Variants in DAB2 observed in about 807,000 individuals in gnomAD.
DAB2 encodes the protein disabled homolog 2.
DAB2 carries 28 observed loss-of-function variants against 71.6 expected under a neutral mutation model. The ratio of observed to expected loss-of-function variants is 0.39; its 90% CI spans 0.29 to 0.54. The LOEUF is 0.54. Ranked by LOEUF, DAB2 falls within the 20% of genes least tolerant of loss-of-function variation. The pLI, the probability that DAB2 is intolerant of heterozygous loss-of-function variation, is 0.68. For synonymous variants in DAB2, 345 were observed against 339.7 expected (o/e 1.02, Z -0.17); for missense variants, 867 against 928.8 (o/e 0.93, Z 0.86).
rs11303318 is a variant in DAB2, at chr5:39,421,902, C to CA, written c.-102+2901dup. On this transcript the variant is annotated intron_variant, in intron 1 of 14. Coordinates refer to ENST00000320816, the MANE Select transcript of DAB2 (RefSeq NM_001343.4). ...TGAAACCCCGTCTCTACTACTACTACAAAAAAAAAAAAAAAATATTATCCA... is the reference window on the plus strand; with the variant it reads ...TGAAACCCCGTCTCTACTACTACTACAAAAAAAAAAAAAAAAATATTATCCA... Among the ~76,000 whole-genome samples, 16 of 140,158 alleles carry CA rather than the reference C, an allele frequency of 1.1e-4. No individual in the cohort carries two copies. In the East Asian group the frequency reaches 3.1e-3, roughly 27 times the overall value. The allele number at this position is 140,158 out of a possible 152,430, so 91.9% of individuals were successfully genotyped here.
intron 13 of DAB2, 139 bp downstream of exon 13, chr5:39,375,858 C>A: frequency 1.5e-6 from 1 of 683,684 alleles, no homozygotes. Flanking sequence ...TGCACTCCAG[C>A]CTGGCCGACA....
At chr5:39,398,575 G>A (rs1579916002) in intron 1 of DAB2, among the ~76,000 whole-genome samples, 2 of 152,066 alleles carry the variant, frequency 1.3e-5, no homozygotes, top group South Asian at 4.2e-4. Context: ...AATAGCCAAG[G>A]GTAAGTCTCC....
chr5:39,375,971 AAG>A, intron 13 of DAB2, 24 bp downstream of exon 13: 1 of 1,560,726 alleles, frequency 6.4e-7, no homozygotes. Context: ...TACTTTGGAG[AAG>A]AGCTTCTAGT....
intron 1 of DAB2, among the ~76,000 whole-genome samples, chr5:39,424,214 A>T (rs1190659844): frequency 6.6e-5 from 10 of 151,980 alleles, no homozygotes; most frequent in Admixed American, 6.6e-4. Flanking sequence ...GCACCATATA[A>T]ACCATGCTCC....
chr5:39,390,605 T>C, intron 4 of DAB2, 30 bp from the exon 5 acceptor site: 1 of 1,561,406 alleles, frequency 6.4e-7, no homozygotes, highest in African/African-American at 1.4e-5. Context: ...AGTAATTTAT[T>C]AAGAAAACTA....
At chr5:39,396,380 A>G (rs1162397535) in intron 1 of DAB2, among the ~76,000 whole-genome samples, 4 of 152,166 alleles carry the variant, frequency 2.6e-5, no homozygotes, top group Admixed American at 6.5e-5. Context: ...ACACATGTCC[A>G]TTGCATGGTT....
At chr5:39,414,865 G>A (rs888082241) in intron 1 of DAB2, among the ~76,000 whole-genome samples, 1 of 152,038 alleles carries the variant, frequency 6.6e-6, no homozygotes, top group Non-Finnish European at 1.5e-5. Context: ...TCTGGTTATT[G>A]TTTATTAAAC....
intron 9 of DAB2, chr5:39,385,211 AAG>A (rs1216893833): frequency 1.3e-5 from 2 of 152,208 alleles, no homozygotes; most frequent in African/African-American, 4.8e-5. Flanking sequence ...AATGGATTGG[AAG>A]AGCTATTAAT....
intron 12 of DAB2, 60 bp from the exon 13 acceptor site, chr5:39,376,166 C>A: frequency 7.8e-7 from 1 of 1,287,754 alleles, no homozygotes. Context: ...TAGGCCAGTC[C>A]CCGAGTCAGC....
intron 1 of DAB2, among the ~76,000 whole-genome samples, chr5:39,396,297 C>T (rs1045952962): frequency 6.6e-6 from 1 of 152,204 alleles, no homozygotes; most frequent in African/African-American, 2.4e-5. Context: ...AACCAGAGTT[C>T]CTCAACACTG....
At chr5:39,414,551 TG>T (rs1219208641) in intron 1 of DAB2, among the ~76,000 whole-genome samples, 5 of 152,032 alleles carry the variant, frequency 3.3e-5, no homozygotes, top group African/African-American at 1.2e-4. Flanking sequence ...ATATGAGCAA[TG>T]ATGAATACTC....
In DAB2 at chr5:39,394,211, C is replaced by T. The variant is rs1755302182; in HGVS notation, c.91+19G>A. 6.2e-7 allele frequency: 1 copy of T among 1,605,784 alleles called. No homozygotes were observed. The highest frequency in any genetic ancestry group is 8.5e-7 in the Non-Finnish European group (1 of 1,172,526). On this transcript the variant is annotated intron_variant, in intron 2 of 14. Coordinates refer to ENST00000320816, the MANE Select transcript of DAB2 (RefSeq NM_001343.4). Reference sequence around the variant, plus strand: ...CATCTCTAGCTCCCTTCCTTGGCTTCAAGTGGATTTCTCCATACCTTTCTT... The same window carrying T: ...CATCTCTAGCTCCCTTCCTTGGCTTTAAGTGGATTTCTCCATACCTTTCTT...
At position 39,392,468 on chromosome 5, in the gene DAB2, T is replaced by G. The variant is rs763201865; in HGVS notation, c.232-5A>C. 12 of 1,607,080 alleles carry G rather than the reference T, an allele frequency of 7.5e-6. No homozygotes were observed. Among genetic ancestry groups the G allele is most frequent in the Middle Eastern group, 1.7e-4 (1 of 6,056 alleles). On this transcript the variant is annotated splice_polypyrimidine_tract_variant and splice_region_variant and intron_variant, in intron 3 of 14. Coordinates refer to ENST00000320816, the MANE Select transcript of DAB2 (RefSeq NM_001343.4). ...CCGACCAGCTGCCGCCATTCCCTGA[T>G]GAGGGTGGAAAAACAAGAGAAGTTG...
chr5:39,376,620 G>C, intron 12 of DAB2, 30 bp downstream of exon 12: 1 of 1,605,156 alleles, frequency 6.2e-7, no homozygotes. Context: ...ATAGTTGTTG[G>C]AACAGTAGGC....
chr5:39,391,538 T>A (rs1366098524), intron 4 of DAB2, among the ~76,000 whole-genome samples: 2 of 152,026 alleles, frequency 1.3e-5, no homozygotes, highest in African/African-American at 2.4e-5. Flanking sequence ...TGGTAGATAA[T>A]GGGCACTCTA....
intron 4 of DAB2, 102 bp from the exon 5 acceptor site, chr5:39,390,677 AG>A (rs768614322): frequency 3.8e-6 from 3 of 784,932 alleles, no homozygotes; most frequent in Non-Finnish European, 5.9e-6. Context: ...ATATATGAAA[AG>A]TTTAAACCAT....
At position 39,377,204 on chromosome 5, in the gene DAB2, G is replaced by A. The variant is rs376876328; in HGVS notation, c.1583C>T (p.Ala528Val). 2.4e-5 allele frequency: 38 copies of A among 1,614,030 alleles called. 1 individual carries two copies. In the African/African-American group the frequency reaches 4.5e-4, roughly 19 times the overall value. ...TTGACCACCCATCATGGCTCCCGGA[G>A]CCATTGAAGGGGACTGATTGAAGAC... is the stretch of plus-strand genomic sequence containing the variant. ...SLVFNQSPSM[A>V]PGAMMGGQPS... Residue 528 changes from alanine to valine, a missense_variant, in exon 12 of 15, where the codon GCT (alanine) becomes GTT (valine). By Grantham distance (64) the Ala-to-Val change is moderately conservative. This residue lies in a region of DAB2 where 740 missense variants were observed against 734.3 expected (regional missense o/e 1.01). Transcript: ENST00000320816.
intron 1 of DAB2, among the ~76,000 whole-genome samples, chr5:39,395,937 C>CTTTCTTTTTTTT (rs1755356400): frequency 1.3e-5 from 1 of 74,858 alleles, no homozygotes; most frequent in Non-Finnish European, 2.3e-5. Flanking sequence ...CACAGATATT[C>CTTTCTTTTTTTT]TTTTTTTTTT....
chr5:39,412,198 C>T (rs751851217), intron 1 of DAB2, among the ~76,000 whole-genome samples: 8 of 152,008 alleles, frequency 5.3e-5, no homozygotes, highest in African/African-American at 1.2e-4. Context: ...AGAGAGATGA[C>T]GCAAATGGTA....
Sources: gnomAD v4.1 joint callset for allele counts (sites outside exome capture counted in the v4.1 genomes callset) on GRCh38, gnomAD v4.1.1 for gene constraint, gnomAD v4.1.1 regional missense constraint, MANE v1.5 for transcripts, NCBI Gene and HGNC (gene_info 2026-07-23, HGNC 2026-07-21) for gene names.